Variants in AP2M1 observed in about 807,000 individuals in gnomAD.
AP2M1 encodes AP-2 complex subunit mu.
In AP2M1, 5 loss-of-function variants were observed where a neutral mutation model predicts 54.5. The ratio of observed to expected loss-of-function variants is 0.09; its 90% CI spans 0.05 to 0.19. The LOEUF (loss-of-function observed/expected upper bound fraction) is 0.19. Ranked by LOEUF, AP2M1 falls within the 10% of genes least tolerant of loss-of-function variation. The pLI is 1.00. For synonymous variants in AP2M1, 186 were observed against 208.2 expected (o/e 0.89, Z 0.92); for missense variants, 178 against 580.2 (o/e 0.31, Z 7.12).
In AP2M1 at chr3:184,180,084, C is replaced by G; in HGVS notation, c.341-85C>G. The G allele has an allele frequency of 3.1e-6, 4 of 1,277,078 alleles. No homozygotes were observed. The highest frequency in any genetic ancestry group is 4.5e-6 in the Non-Finnish European group (4 of 885,702). The allele number at this position is 1,277,078 out of a possible 1,614,324, so 79.1% of individuals were successfully genotyped here. The stretch of plus-strand genomic sequence containing the variant: ...GATGATCCCACATGGGCTTTGGGAG[C>G]TGTGCCGGTCAGATGTGTAGGCCCA... On this transcript the variant is annotated intron_variant, in intron 3 of 11. Coordinates refer to ENST00000292807, the MANE Select transcript of AP2M1 (RefSeq NM_004068.4). The surrounding 1 kb of genome is among the most constrained non-coding windows in gnomAD (Gnocchi z 4.9).
chr3:184,181,288 T>G lies in AP2M1; in HGVS notation c.707+62T>G. 1 of 1,600,384 alleles carries G rather than the reference T, an allele frequency of 6.2e-7. No homozygotes were observed. The highest frequency in any genetic ancestry group is 8.5e-7 in the Non-Finnish European group (1 of 1,171,734). On this transcript the variant is annotated intron_variant, in intron 7 of 11. Transcript: ENST00000292807. The surrounding 1 kb of genome is among the most constrained non-coding windows in gnomAD (Gnocchi z 5.7). ...CCTTGGAGGGCTCAGTGGGGTCTAG[T>G]GAACCACAAGTTTCTTCTGGATTTC...
rs200980522 is a variant in AP2M1 at position 184,176,975 on chromosome 3, C to G, written c.-19C>G. 23 of 1,612,988 alleles carry G rather than the reference C, an allele frequency of 1.4e-5. No individual in the cohort carries two copies. Among genetic ancestry groups the G allele is most frequent in the Non-Finnish European group, 1.9e-5 (22 of 1,179,650 alleles). On this transcript the variant is annotated 5_prime_UTR_variant, in exon 2 of 12. Transcript: ENST00000292807. ...GGTCTGTTCTCAGAGCGATGGGCCG[C>G]GGAGACTGATCTGCCGCCATGATTG...
Position 184,180,436 on chromosome 3 carries a change from T to A in AP2M1, c.423+185T>A. 1 of 1,042,196 alleles carries A rather than the reference T, an allele frequency of 9.6e-7. No individual in the cohort carries two copies. The highest frequency in any genetic ancestry group is 1.4e-6 in the Non-Finnish European group (1 of 715,328). The allele number at this position is 1,042,196 out of a possible 1,614,324, so 64.6% of individuals were successfully genotyped here. A position where few individuals can be genotyped will look rare whatever the true frequency, so the allele number is the denominator to read the frequency against. ...GTCCTCCCACTGCAGGAGCAGCCAA[T>A]TCAGCATCTCTATTACCAGGAATAC... On this transcript the variant is annotated intron_variant, in intron 4 of 11. Coordinates refer to ENST00000292807, the MANE Select transcript of AP2M1 (RefSeq NM_004068.4). This position sits in a 1 kb window ranked among gnomAD's most constrained non-coding sequence, Gnocchi z 4.9.
At chr3:184,177,110 C>A (rs1388937204) in intron 2 of AP2M1, 43 bp downstream of exon 2, 1 of 1,582,584 alleles carries the variant, frequency 6.3e-7, no homozygotes, top group East Asian at 2.2e-5. Context: ...CCACTCCAGC[C>A]CCCCAGCCCC....
At position 184,176,945 on chromosome 3, in the gene AP2M1, T is replaced by C. The variant is rs200441721; in HGVS notation, c.-43-6T>C. The C allele has an allele frequency of 1.7e-5, 27 of 1,599,866 alleles. No individual in the cohort carries two copies. In the East Asian group the frequency reaches 6.0e-4, roughly 36 times the overall value. ...TCTTCTTTTACCCTGCCCCCGCCTGTCCTAGGTCTGTTCTCAGAGCGATGG... is the reference window on the plus strand; with the variant it reads ...TCTTCTTTTACCCTGCCCCCGCCTGCCCTAGGTCTGTTCTCAGAGCGATGG... On this transcript the variant is annotated splice_region_variant and splice_polypyrimidine_tract_variant and intron_variant, in intron 1 of 11. Transcript: ENST00000292807.
Position 184,183,759 on chromosome 3 carries a change from CAAG to C in AP2M1, c.*144_*146del. ...CACCAGCCCGAGTCTAGGTCTGGGCCAAGCACATTACAAGTGGGACCGGTGGAG... is the reference window on the plus strand; with the variant it reads ...CACCAGCCCGAGTCTAGGTCTGGGCCCACATTACAAGTGGGACCGGTGGAG... On this transcript the variant is annotated 3_prime_UTR_variant, in exon 12 of 12. Transcript: ENST00000292807. This position sits in a 1 kb window ranked among gnomAD's most constrained non-coding sequence, Gnocchi z 5.7. 4.9e-6 allele frequency: 5 copies of C among 1,018,996 alleles called. No individual in the cohort carries two copies. Among genetic ancestry groups the C allele is most frequent in the Non-Finnish European group, 7.1e-6 (5 of 708,164 alleles). 63.1% of individuals were successfully genotyped at this position (1,018,996 alleles called of 1,614,324 possible).
At position 184,180,513 on chromosome 3, in the gene AP2M1, T is replaced by C; in HGVS notation, c.424-132T>C. 7.0e-7 allele frequency: 1 copy of C among 1,436,258 alleles called. No homozygotes were observed. Among genetic ancestry groups the C allele is most frequent in the Non-Finnish European group, 9.6e-7 (1 of 1,040,978 alleles). The allele number at this position is 1,436,258 out of a possible 1,614,324, so 89.0% of individuals were successfully genotyped here. ...AGGGGTGGGGGAGGAGGCCTGGTCT[T>C]GAGGCCTGGTATTCCTCAGGAGGAG... is the stretch of plus-strand genomic sequence containing the variant. On this transcript the variant is annotated intron_variant, in intron 4 of 11. Coordinates refer to ENST00000292807, the MANE Select transcript of AP2M1 (RefSeq NM_004068.4). This position sits in a 1 kb window ranked among gnomAD's most constrained non-coding sequence, Gnocchi z 4.9.
Position 184,180,348 on chromosome 3 carries a change from C to A in AP2M1, c.423+97C>A. ...TGTCTGAGCTGACTCATGAGCCCTC[C>A]CATGACAGGAAGTGCTGGCCTGAGC... On this transcript the variant is annotated intron_variant, in intron 4 of 11. Transcript: ENST00000292807. The surrounding 1 kb of genome is among the most constrained non-coding windows in gnomAD (Gnocchi z 4.9). The A allele has an allele frequency of 7.0e-7, 1 of 1,431,532 alleles. No individual in the cohort carries two copies. 88.7% of individuals were successfully genotyped at this position (1,431,532 alleles called of 1,614,324 possible).
chr3:184,183,756 G>GT lies in AP2M1; in HGVS notation c.*140_*141insT. The GT allele has an allele frequency of 9.5e-7, 1 of 1,050,062 alleles. No individual in the cohort carries two copies. The highest frequency in any genetic ancestry group is 1.4e-6 in the Non-Finnish European group (1 of 735,834). 65.0% of individuals were successfully genotyped at this position (1,050,062 alleles called of 1,614,324 possible). On this transcript the variant is annotated 3_prime_UTR_variant, in exon 12 of 12. Transcript: ENST00000292807. This position sits in a 1 kb window ranked among gnomAD's most constrained non-coding sequence, Gnocchi z 5.7. ...TTGCACCAGCCCGAGTCTAGGTCTGGGCCAAGCACATTACAAGTGGGACCG... is the reference window on the plus strand; with the variant it reads ...TTGCACCAGCCCGAGTCTAGGTCTGGTGCCAAGCACATTACAAGTGGGACCG...
chr3:184,178,944 C>T lies in AP2M1; in HGVS notation c.162C>T (p.Ser54=). The change falls in exon 3 of 12, where the codon AGC becomes AGT. Residue 54 remains serine, a synonymous_variant. Transcript: ENST00000292807. The surrounding 1 kb of genome is among the most constrained non-coding windows in gnomAD (Gnocchi z 4.9). ...RSPVTNIART[S]FFHVKRSNIW... ...CCGTCACCAACATTGCTCGCACCAGCTTCTTCCACGTTAAGCGGTCCAACA... is the reference window on the plus strand; with the variant it reads ...CCGTCACCAACATTGCTCGCACCAGTTTCTTCCACGTTAAGCGGTCCAACA... 1 of 1,614,230 alleles carries T rather than the reference C, an allele frequency of 6.2e-7. No homozygotes were observed. Among genetic ancestry groups the T allele is most frequent in the Non-Finnish European group, 8.5e-7 (1 of 1,180,046 alleles).
Position 184,178,230 on chromosome 3 carries a change from G to A in AP2M1, c.75-627G>A, listed in dbSNP as rs943277893. 12 of 1,535,948 alleles carry A rather than the reference G, an allele frequency of 7.8e-6. No individual in the cohort carries two copies. The highest frequency in any genetic ancestry group is 1.4e-5 in the African/African-American group (1 of 73,022). ...TTGGCTGCCGTAGCAATAGGTAAGCGGCCTCTCAAGCTGCTGCCCAGGTAC... is the reference window on the plus strand; with the variant it reads ...TTGGCTGCCGTAGCAATAGGTAAGCAGCCTCTCAAGCTGCTGCCCAGGTAC... On this transcript the variant is annotated intron_variant, in intron 2 of 11. Transcript: ENST00000292807. This position sits in a 1 kb window ranked among gnomAD's most constrained non-coding sequence, Gnocchi z 4.9.
At chr3:184,175,806 TA>T (rs1465653921) in intron 1 of AP2M1, among the ~76,000 whole-genome samples, 1 of 152,164 alleles carries the variant, frequency 6.6e-6, no homozygotes, top group Non-Finnish European at 1.5e-5. Flanking sequence ...CCCCAGGCTC[TA>T]CCTCCATTTT....
Position 184,182,851 on chromosome 3 carries a change from A to G in AP2M1, c.1156A>G (p.Ile386Val). ...CAAGAAGAAATGGGCTCGACCCCCC[A>G]TTTCCATGAACTTTGAGGTATGGCA... Reference protein sequence around the residue: ...NDKKKWARPPISMNFEVPFAP... With the variant: ...NDKKKWARPPVSMNFEVPFAP... Residue 386 changes from isoleucine (I) to valine (V), a missense_variant, in exon 11 of 12, where the codon ATT becomes GTT. Ile to Val is a conservative substitution (Grantham distance 29, BLOSUM62 3). Around this residue, in one of 5 missense-constraint regions of AP2M1, gnomAD observed 59 missense variants for 176.8 expected, o/e 0.33. Coordinates refer to ENST00000292807, the MANE Select transcript of AP2M1 (RefSeq NM_004068.4). This position sits in a 1 kb window ranked among gnomAD's most constrained non-coding sequence, Gnocchi z 5.5. The G allele has an allele frequency of 1.2e-6, 2 of 1,613,930 alleles. No individual in the cohort carries two copies. The highest frequency in any genetic ancestry group is 1.1e-5 in the South Asian group (1 of 91,056).
In AP2M1 at chr3:184,183,425, C is replaced by T. The variant is rs1330811412; in HGVS notation, c.1174-57C>T. 3 of 1,609,676 alleles carry T rather than the reference C, an allele frequency of 1.9e-6. No individual in the cohort carries two copies. Among genetic ancestry groups the T allele is most frequent in the East Asian group, 4.5e-5 (2 of 44,838 alleles). On this transcript the variant is annotated intron_variant, in intron 11 of 11. Coordinates refer to ENST00000292807, the MANE Select transcript of AP2M1 (RefSeq NM_004068.4). The surrounding 1 kb of genome is among the most constrained non-coding windows in gnomAD (Gnocchi z 5.7). ...AGTAGGGCAGGGCAACGGGACTTCC[C>T]AGAGGAGAGCGGCTGTAAGAGGAAG...
Position 184,178,174 on chromosome 3 carries a change from T to G in AP2M1, c.75-683T>G. On this transcript the variant is annotated intron_variant, in intron 2 of 11. Transcript: ENST00000292807. This position sits in a 1 kb window ranked among gnomAD's most constrained non-coding sequence, Gnocchi z 4.9. ...TCTCGTTGCTATCACTCTCCTCTTC[T>G]TGCTGGCGTCATTTCTCTCATCCCA... 1 of 1,533,228 alleles carries G rather than the reference T, an allele frequency of 6.5e-7. No individual in the cohort carries two copies. The highest frequency in any genetic ancestry group is 8.7e-7 in the Non-Finnish European group (1 of 1,144,202). 95.0% of individuals were successfully genotyped at this position (1,533,228 alleles called of 1,614,324 possible). A position where few individuals can be genotyped will look rare whatever the true frequency, so the allele number is the denominator to read the frequency against.
chr3:184,180,316 T>C lies in AP2M1; in HGVS notation c.423+65T>C, dbSNP rs1715229091. 1.3e-6 allele frequency: 2 copies of C among 1,567,300 alleles called. No individual in the cohort carries two copies. Among genetic ancestry groups the C allele is most frequent in the Admixed American group, 3.5e-5 (2 of 57,524 alleles). Reference sequence around the variant, plus strand: ...ATCTCCCTTCATCTCAGCTGGCCCCTGAGCCTTGTCTGAGCTGACTCATGA... The same window carrying C: ...ATCTCCCTTCATCTCAGCTGGCCCCCGAGCCTTGTCTGAGCTGACTCATGA... On this transcript the variant is annotated intron_variant, in intron 4 of 11. Coordinates refer to ENST00000292807, the MANE Select transcript of AP2M1 (RefSeq NM_004068.4). The surrounding 1 kb of genome is among the most constrained non-coding windows in gnomAD (Gnocchi z 4.9).
At chr3:184,177,624 C>G (rs1417696384) in intron 2 of AP2M1, 19 of 1,535,072 alleles carry the variant, frequency 1.2e-5, no homozygotes, top group Non-Finnish European at 1.5e-5. Flanking sequence ...GAGGCACTCT[C>G]TGGGTCACTG....
intron 3 of AP2M1, chr3:184,179,484 G>A (rs924786381): frequency 2.8e-5 from 8 of 281,902 alleles, no homozygotes; most frequent in Non-Finnish European, 4.8e-5. Context: ...AGAGCCTGGG[G>A]GAGAGTGAGA....
Position 184,180,259 on chromosome 3 carries a change from A to C in AP2M1, c.423+8A>C, listed in dbSNP as rs746921171. On this transcript the variant is annotated splice_region_variant and intron_variant, in intron 4 of 11. Transcript: ENST00000292807. The surrounding 1 kb of genome is among the most constrained non-coding windows in gnomAD (Gnocchi z 4.9). ...CAGGGCATCAAGAGTCAGGTACTTG[A>C]ATTGTGCAGACTATAGTCAGGGTGG... 6.2e-7 allele frequency: 1 copy of C among 1,613,852 alleles called. No homozygotes were observed. Among genetic ancestry groups the C allele is most frequent in the South Asian group, 1.1e-5 (1 of 91,028 alleles).
Sources: allele counts gnomAD v4.1 joint callset (sites outside exome capture counted in the v4.1 genomes callset), GRCh38; gene constraint gnomAD v4.1.1; regional missense constraint gnomAD v4.1.1; non-coding constraint Gnocchi (gnomAD v3.1); transcripts MANE v1.5; gene names NCBI Gene and HGNC (gene_info 2026-07-23, HGNC 2026-07-21).